TBXAS1: variants seen among roughly 807,000 people sequenced by gnomAD.
TBXAS1 encodes thromboxane-A synthase.
Under a neutral mutation model 60.7 loss-of-function variants are expected in TBXAS1, and 48 were observed. The observed-to-expected ratio is 0.79, with a 90% CI of 0.63 to 1.01. The LOEUF is 1.01. Ranked by LOEUF, TBXAS1 falls within the 50% of genes least tolerant of loss-of-function variation. The pLI is 0.00. For synonymous variants in TBXAS1, 287 were observed against 269.7 expected (o/e 1.06, Z -0.63); for missense variants, 685 against 686.3 (o/e 1.00, Z 0.02).
intron 12 of TBXAS1, 130 bp from the exon 13 acceptor site, chr7:140,019,895 G>A (rs1815413543): frequency 3.6e-6 from 3 of 838,198 alleles, no homozygotes; most frequent in Non-Finnish European, 5.9e-6. Context: ...TAGGTTTGGG[G>A]CTTTGCTCTC....
At position 139,778,785 on chromosome 7, in the gene TBXAS1, T is replaced by C. The variant is rs947741243; in HGVS notation, c.-318+314T>C. 2.0e-5 allele frequency among the ~76,000 whole-genome samples: 3 copies of C among 151,994 alleles called. No individual in the cohort carries two copies. Among genetic ancestry groups the C allele is most frequent in the Non-Finnish European group, 4.4e-5 (3 of 67,974 alleles). ...TCCTATCAGGGCTTCCGCTAAACAC[T>C]CTCCAGACTCTCCCCAGCCGGGAGC... On this transcript the variant is annotated intron_variant, in intron 1 of 16. Transcript: ENST00000336425. The surrounding 1 kb of genome is among the most constrained non-coding windows in gnomAD (Gnocchi z 4.8).
intron 9 of TBXAS1, among the ~76,000 whole-genome samples, chr7:139,991,578 T>C (rs1005023452): frequency 1.3e-5 from 2 of 152,114 alleles, no homozygotes; most frequent in Non-Finnish European, 2.9e-5. Context: ...GCAGAACAGA[T>C]GAAATTCTTA....
intron 1 of TBXAS1, among the ~76,000 whole-genome samples, chr7:139,867,287 A>T (rs1801490194): frequency 6.6e-6 from 1 of 152,176 alleles, no homozygotes; most frequent in Non-Finnish European, 1.5e-5. Flanking sequence ...ACCAAGTAGG[A>T]ATTCTTTGGT....
Position 140,007,092 on chromosome 7 carries a change from T to C in TBXAS1, c.1136T>C (p.Met379Thr), listed in dbSNP as rs867518936. ...CCTTTGTCACGACCCCTCCATCAGA[T>C]GGCCCCTGAGTTCTGCAGCCTCGAG... Reference protein sequence around the residue: ...REVDVFKEKHMAPEFCSLEEG... With the variant: ...REVDVFKEKHTAPEFCSLEEG... The change falls in exon 10 of 13, where the codon ATG becomes ACG. Residue 379 changes from methionine to threonine, a missense_variant and splice_region_variant. By Grantham distance (81) the Met-to-Thr change is moderately conservative (BLOSUM62 -1). Coordinates refer to ENST00000448866, the MANE Select transcript of TBXAS1 (RefSeq NM_001061.7). The C allele has an allele frequency of 1.8e-5, 29 of 1,614,116 alleles. No individual in the cohort carries two copies. In the African/African-American group the frequency reaches 2.3e-4, roughly 13 times the overall value.
chr7:139,933,825 GCTTGGTCCCC>G (rs532799204), intron 4 of TBXAS1, among the ~76,000 whole-genome samples: 7,069 of 152,198 alleles, frequency 0.046, 312 homozygotes, highest in African/African-American at 0.11. Flanking sequence ...TTCTGAGACT[GCTTGGTCCCC>G]CAACCGCCTG....
rs187168712 is a variant in TBXAS1, at chr7:139,951,585, G to A, written c.451-1783G>A. On this transcript the variant is annotated intron_variant, in intron 5 of 12. Transcript: ENST00000448866. ...AGCCTGATCAACATGGTGGAATCCC[G>A]TCTCTACTAAAAAAAAAAAAAAAAA... Among the ~76,000 whole-genome samples the A allele has an allele frequency of 1.8e-3, 100 of 54,460 alleles. No individual in the cohort carries two copies. In the East Asian group the frequency reaches 0.023, roughly 13 times the overall value. 35.7% of individuals were successfully genotyped at this position (54,460 alleles called of 152,430 possible).
At chr7:139,836,521 GTCAACTGA>G (rs1799078641) in intron 1 of TBXAS1, among the ~76,000 whole-genome samples, 1 of 152,036 alleles carries the variant, frequency 6.6e-6, no homozygotes, top group Admixed American at 6.6e-5. Flanking sequence ...CAAATACTTA[GTCAACTGA>G]TCTTCAACAA....
In TBXAS1 at chr7:139,807,692, C is replaced by CT. The variant is rs1267476427; in HGVS notation, c.-80+20274dup. Among the ~76,000 whole-genome samples the CT allele has an allele frequency of 5.9e-5, 9 of 151,876 alleles. No individual in the cohort carries two copies. The East Asian group carries it at 7.8e-4, about 13-fold the overall frequency. ...GCCACCGCGCTCAGCCAATTTTTTT[C>CT]TTTTTTTTAAAGACAGGGTCTTGTT... On this transcript the variant is annotated intron_variant, in intron 4 of 16. Coordinates refer to the TBXAS1 transcript ENST00000336425.
intron 1 of TBXAS1, among the ~76,000 whole-genome samples, chr7:139,840,998 G>A (rs538852356): frequency 1.3e-5 from 2 of 150,704 alleles, no homozygotes; most frequent in East Asian, 3.9e-4. Flanking sequence ...GTCAGTCTGT[G>A]CTGCCGCTCA....
At chr7:139,974,697 A>G (rs1245424358) in intron 9 of TBXAS1, among the ~76,000 whole-genome samples, 3 of 152,236 alleles carry the variant, frequency 2.0e-5, no homozygotes, top group Non-Finnish European at 1.5e-5. Flanking sequence ...CATTACGTAC[A>G]TATAGCTACT....
intron 4 of TBXAS1, among the ~76,000 whole-genome samples, chr7:139,805,133 T>C (rs1169153815): frequency 1.3e-5 from 2 of 152,242 alleles, no homozygotes; most frequent in Non-Finnish European, 2.9e-5. Flanking sequence ...CTAACAGCAA[T>C]CCTGATCACA....
At chr7:139,994,823 G>A (rs1813178946) in intron 9 of TBXAS1, among the ~76,000 whole-genome samples, 1 of 152,224 alleles carries the variant, frequency 6.6e-6, no homozygotes, top group Non-Finnish European at 1.5e-5. Flanking sequence ...TTCAATAATA[G>A]ATTCCCAGGC....
chr7:139,889,830 TTAAG>T (rs1471369136), intron 3 of TBXAS1, among the ~76,000 whole-genome samples: 1 of 152,154 alleles, frequency 6.6e-6, no homozygotes, highest in African/African-American at 2.4e-5. Flanking sequence ...ATCTGGGGGT[TTAAG>T]ATTTCAACAT....
At chr7:139,966,919 T>C (rs1005437647) in intron 9 of TBXAS1, among the ~76,000 whole-genome samples, 1 of 152,026 alleles carries the variant, frequency 6.6e-6, no homozygotes, top group Admixed American at 6.5e-5. Flanking sequence ...GTGGGGCCTG[T>C]GAACGGATCC....
intron 8 of TBXAS1, among the ~76,000 whole-genome samples, chr7:139,959,563 C>T (rs1165525569): frequency 6.6e-6 from 1 of 152,114 alleles, no homozygotes; most frequent in Non-Finnish European, 1.5e-5. Flanking sequence ...TGGAGAGTGG[C>T]CTTTCCTCTG....
intron 4 of TBXAS1, among the ~76,000 whole-genome samples, chr7:139,790,369 T>C (rs1417130253): frequency 1.3e-5 from 2 of 152,246 alleles, no homozygotes; most frequent in African/African-American, 4.8e-5. Flanking sequence ...AATCCAAGTC[T>C]GGCTAATTTT....
At chr7:139,921,280 A>C (rs1272765486) in intron 4 of TBXAS1, among the ~76,000 whole-genome samples, 1 of 152,148 alleles carries the variant, frequency 6.6e-6, no homozygotes, top group African/African-American at 2.4e-5. Context: ...CTCTGACATC[A>C]ATTTGTATAG....
chr7:139,919,032 A>C (rs1806229025), intron 4 of TBXAS1, among the ~76,000 whole-genome samples: 1 of 152,156 alleles, frequency 6.6e-6, no homozygotes, highest in African/African-American at 2.4e-5. Flanking sequence ...TACTATTTCA[A>C]ACCACCAAAA....
chr7:139,955,597 G>C lies in TBXAS1; in HGVS notation c.678G>C (p.Leu226=). The C allele has an allele frequency of 6.2e-7, 1 of 1,614,180 alleles. No individual in the cohort carries two copies. Among genetic ancestry groups the C allele is most frequent in the Non-Finnish European group, 8.5e-7 (1 of 1,180,040 alleles). Residue 226 remains leucine (L), a synonymous_variant, in exon 7 of 13, where the codon CTG becomes CTC. Coordinates refer to ENST00000448866, the MANE Select transcript of TBXAS1 (RefSeq NM_001061.7). ...FFEFCIPRPI[L]VLLLSFPSIM... is the part of the protein sequence containing the mutation. The stretch of plus-strand genomic sequence containing the variant: ...AATTCTGCATCCCCAGACCTATCCT[G>C]GTTTTACTCTGTAAGTGCGGCTGCA...
Sources: allele counts gnomAD v4.1 joint callset (sites outside exome capture counted in the v4.1 genomes callset), GRCh38; gene constraint gnomAD v4.1.1; non-coding constraint Gnocchi (gnomAD v3.1); transcripts MANE v1.5; gene names NCBI Gene and HGNC (gene_info 2026-07-23, HGNC 2026-07-21).